Variants in LILRA1 observed in about 807,000 individuals in gnomAD.
LILRA1 encodes leukocyte immunoglobulin like receptor A1.
A neutral mutation model predicts 51.6 loss-of-function variants in LILRA1; 51 were observed. The observed-to-expected ratio is 0.99, with a 90% confidence interval of 0.79 to 1.25. The LOEUF is 1.25. Among genes scored for constraint, LILRA1 ranks in the 50% most tolerant of loss-of-function variants. The pLI is 0.00. For missense variants in LILRA1, 660 were observed against 611.7 expected (o/e 1.08, Z -0.83); for synonymous variants, 305 against 248.4 (o/e 1.23, Z -2.14).
Position 54,596,420 on chromosome 19 carries a change from G to T in LILRA1, c.1190G>T (p.Cys397Phe). 1 of 1,614,142 alleles carries T rather than the reference G, an allele frequency of 6.2e-7. No homozygotes were observed. The highest frequency in any genetic ancestry group is 8.5e-7 in the Non-Finnish European group (1 of 1,180,010). Residue 397 changes from cysteine (C) to phenylalanine (F), a missense_variant, in exon 7 of 10, where the codon TGC becomes TTC. Coordinates refer to ENST00000251372, the MANE Select transcript of LILRA1 (RefSeq NM_006863.4). The part of the protein sequence containing the change: ...VTSAHSGTYR[C>F]YGSLSSNPYL... ...TCAGCCCACTCGGGGACCTACAGGT[G>T]CTACGGCTCACTCAGCTCCAACCCC...
At chr19:54,593,890 C>T in intron 1 of LILRA1, 109 bp downstream of exon 1, 3 of 571,150 alleles carry the variant, frequency 5.3e-6, no homozygotes, top group South Asian at 3.3e-5. Context: ...TCTGGAAGGG[C>T]AGACGCAGAA....
intron 7 of LILRA1, among the ~76,000 whole-genome samples, chr19:54,597,279 G>A (rs908099143): frequency 6.6e-6 from 1 of 152,172 alleles, no homozygotes. Flanking sequence ...GGTGTGGTCT[G>A]CATGGCTTCC....
At chr19:54,596,059 AG>A in intron 6 of LILRA1, 124 bp downstream of exon 6, 1 of 634,108 alleles carries the variant, frequency 1.6e-6, no homozygotes, top group Non-Finnish European at 2.5e-6. Context: ...AGACAGAGAC[AG>A]GGGATGGGCG....
chr19:54,600,603 G>C lies in LILRA1; in HGVS notation c.1351+53G>C. The C allele has an allele frequency of 1.9e-6, 3 of 1,613,078 alleles. No homozygotes were observed. In the South Asian group the frequency reaches 3.3e-5, roughly 18 times the overall value. ...GTGCTGGGCACAAGGGTTGGGTCCTGTCAAGGGTAAGGAGGTGCTCTGGGT... is the reference window on the plus strand; with the variant it reads ...GTGCTGGGCACAAGGGTTGGGTCCTCTCAAGGGTAAGGAGGTGCTCTGGGT... On this transcript the variant is annotated intron_variant, in intron 9 of 9. Transcript: ENST00000251372.
rs1181718861 is a variant in LILRA1 at position 54,595,905 on chromosome 19, C to G, written c.928C>G (p.Pro310Ala). Residue 310 changes from proline to alanine, a missense_variant, in exon 6 of 10, where the codon CCC becomes GCC. By Grantham distance (27) the Pro-to-Ala change is conservative. Transcript: ENST00000251372. Reference sequence around the variant, plus strand: ...CAACCTCTCCTCCGAGTGGTCGGCCCCCAGCGACCCCCTGGACATCCTGAT... The same window carrying G: ...CAACCTCTCCTCCGAGTGGTCGGCCGCCAGCGACCCCCTGGACATCCTGAT... ...AYNLSSEWSA[P>A]SDPLDILIAG... The G allele has an allele frequency of 1.2e-6, 2 of 1,613,280 alleles. No homozygotes were observed. Among genetic ancestry groups the G allele is most frequent in the South Asian group, 1.1e-5 (1 of 91,044 alleles).
At chr19:54,600,146 C>G (rs1211231231) in intron 8 of LILRA1, among the ~76,000 whole-genome samples, 2 of 152,064 alleles carry the variant, frequency 1.3e-5, no homozygotes. Flanking sequence ...ATGCATGGAG[C>G]CTGGGTCCTC....
At chr19:54,597,151 T>C (rs1206235030) in intron 7 of LILRA1, among the ~76,000 whole-genome samples, 1 of 152,212 alleles carries the variant, frequency 6.6e-6, no homozygotes, top group African/African-American at 2.4e-5. Context: ...CCTGACCCCA[T>C]GGGTGACAAA....
chr19:54,594,861 C>A lies in LILRA1; in HGVS notation c.267C>A (p.Thr89=). ...GCCAGTTCCCCATCCCATCCATCAC[C>A]TGGGAACACACAGGGCGGTATCGCT... The part of the protein sequence containing the change: ...KKGQFPIPSI[T]WEHTGRYRCF... Residue 89 remains threonine, a synonymous_variant, in exon 4 of 10, where the codon ACC becomes ACA. Transcript: ENST00000251372. 6.2e-7 allele frequency: 1 copy of A among 1,614,142 alleles called. No individual in the cohort carries two copies. The highest frequency in any genetic ancestry group is 8.5e-7 in the Non-Finnish European group (1 of 1,179,998).
intron 8 of LILRA1, chr19:54,599,664 A>G: frequency 2.4e-6 from 2 of 822,220 alleles, no homozygotes; most frequent in South Asian, 5.2e-5. Context: ...TCTCACTTTA[A>G]ATGTCAATAT....
intron 1 of LILRA1, 114 bp downstream of exon 1, chr19:54,593,895 G>A (rs1308351301): frequency 8.6e-6 from 5 of 583,516 alleles, no homozygotes; most frequent in East Asian, 7.7e-5. Context: ...AAGGGCAGAC[G>A]CAGAAAGCAC....
chr19:54,599,692 A>C (rs1026297050), intron 8 of LILRA1: 4 of 661,990 alleles, frequency 6.0e-6, no homozygotes, highest in African/African-American at 4.0e-5. Flanking sequence ...ACTACATCTT[A>C]AATAAATATC....
chr19:54,595,961 G>A (rs754255245), intron 6 of LILRA1, 26 bp downstream of exon 6: 116 of 1,610,868 alleles, frequency 7.2e-5, no homozygotes, highest in Middle Eastern at 2.2e-4. Context: ...GGTTCAGTCA[G>A]GGACACAGGC....
At position 54,600,719 on chromosome 19, in the gene LILRA1, A is replaced by G; in HGVS notation, c.1372A>G (p.Thr458Ala). 2 of 1,613,936 alleles carry G rather than the reference A, an allele frequency of 1.2e-6. No individual in the cohort carries two copies. The highest frequency in any genetic ancestry group is 1.7e-6 in the Non-Finnish European group (2 of 1,179,952). ...CCCAGCCTCACACCCCCAGGATTAC[A>G]CAGTGGAGAATCTCATCCGCATGGG... ...NKTASHPQDY[T>A]VENLIRMGIA... Residue 458 changes from threonine to alanine, a missense_variant, in exon 10 of 10, where the codon ACA becomes GCA. By Grantham distance (58) the Thr-to-Ala change is moderately conservative. Transcript: ENST00000251372.
intron 8 of LILRA1, among the ~76,000 whole-genome samples, chr19:54,599,998 G>A (rs2063135989): frequency 6.6e-6 from 1 of 152,170 alleles, no homozygotes; most frequent in African/African-American, 2.4e-5. Context: ...CTGCCTATAT[G>A]AGGAATTAGT....
intron 8 of LILRA1, among the ~76,000 whole-genome samples, chr19:54,600,308 A>T (rs748343519): frequency 3.9e-5 from 6 of 152,174 alleles, no homozygotes; most frequent in African/African-American, 7.2e-5. Context: ...CCCTCCCCAA[A>T]TGCCTCAGGA....
Position 54,600,468 on chromosome 19 carries a change from G to A in LILRA1, c.1313-44G>A, listed in dbSNP as rs2063143322. On this transcript the variant is annotated intron_variant, in intron 8 of 9. Coordinates refer to ENST00000251372, the MANE Select transcript of LILRA1 (RefSeq NM_006863.4). ...GGAAGATAAGAATGCAGAGCCCAGG[G>A]GAGAGGCTGGCTCAGGGCTCTTCCC... 7.5e-6 allele frequency: 12 copies of A among 1,606,234 alleles called. No individual in the cohort carries two copies. In the East Asian group the frequency reaches 2.5e-4, roughly 33 times the overall value.
Position 54,601,362 on chromosome 19 carries a change from C to G in LILRA1, c.*545C>G, listed in dbSNP as rs542515884. ...TCTGAACCCTACGAGCCCTTCCCTC[C>G]TTCTCACATGCTACCTGTGCAGCTT... is the stretch of plus-strand genomic sequence containing the variant. On this transcript the variant is annotated 3_prime_UTR_variant, in exon 10 of 10. Transcript: ENST00000251372. 1.3e-4 allele frequency: 23 copies of G among 173,322 alleles called. 2 individuals carry two copies. In the South Asian group the frequency reaches 2.8e-3, roughly 21 times the overall value. 10.7% of individuals were successfully genotyped at this position (173,322 alleles called of 1,614,324 possible).
At chr19:54,598,323 G>A (rs1042910589) in intron 7 of LILRA1, among the ~76,000 whole-genome samples, 1 of 151,978 alleles carries the variant, frequency 6.6e-6, no homozygotes, top group Non-Finnish European at 1.5e-5. Context: ...TATATTCAAT[G>A]TAGACATCCA....
At chr19:54,595,007 A>C in intron 4 of LILRA1, 55 bp downstream of exon 4, 1 of 1,606,258 alleles carries the variant, frequency 6.2e-7, no homozygotes. Context: ...GAAGGGAGTC[A>C]GTTCTCAGGG....
Sources: gnomAD v4.1 joint callset for allele counts (sites outside exome capture counted in the v4.1 genomes callset) on GRCh38, gnomAD v4.1.1 for gene constraint, MANE v1.5 for transcripts, NCBI Gene and HGNC (gene_info 2026-07-23, HGNC 2026-07-21) for gene names.